Variants in SLC24A2 observed in about 807,000 individuals in gnomAD.
SLC24A2 encodes sodium/potassium/calcium exchanger 2.
A neutral mutation model predicts 62.0 loss-of-function variants in SLC24A2; 36 were observed. That is an observed-to-expected ratio of 0.58 (90% confidence interval 0.44 to 0.77). SLC24A2 has a LOEUF of 0.77. SLC24A2 is among the 30% of genes least tolerant of loss of function. The pLI is 0.00. For synonymous variants in SLC24A2, 358 were observed against 294.0 expected, an observed-to-expected ratio of 1.22 and a Z score of -2.23; for missense variants, 846 against 817.9, an observed-to-expected ratio of 1.03 and a Z score of -0.42.
the SLC24A2 span, among the ~76,000 whole-genome samples, chr9:19,832,445 T>C: frequency 6.6e-6 from 1 of 152,160 alleles, no homozygotes; most frequent in Non-Finnish European, 1.5e-5. Flanking sequence ...TTGTGTAGAC[T>C]AGAAATTTCA....
chr9:19,777,788 G>A (rs1587312802), intron 2 of SLC24A2, among the ~76,000 whole-genome samples: 2 of 152,110 alleles, frequency 1.3e-5, no homozygotes, highest in Non-Finnish European at 2.9e-5. Context: ...AATGTGCATA[G>A]TCATCTTTGG....
the SLC24A2 span, among the ~76,000 whole-genome samples, chr9:20,135,301 T>G: frequency 6.8e-6 from 1 of 147,446 alleles, no homozygotes; most frequent in Non-Finnish European, 1.5e-5. Context: ...TTAATTACAA[T>G]TTAAAATTTT....
the SLC24A2 span, among the ~76,000 whole-genome samples, chr9:20,159,890 T>C: frequency 2.6e-5 from 4 of 151,544 alleles, no homozygotes; most frequent in African/African-American, 9.7e-5. Flanking sequence ...ATAAGCACAG[T>C]AGATATAGCA....
the SLC24A2 span, among the ~76,000 whole-genome samples, chr9:20,052,487 A>C: frequency 1.3e-5 from 2 of 152,286 alleles, no homozygotes; most frequent in African/African-American, 4.8e-5. Flanking sequence ...TGAAGGTTCA[A>C]TTTGTCTCTA....
the SLC24A2 span, among the ~76,000 whole-genome samples, chr9:20,157,917 TAAAA>T: frequency 6.6e-6 from 1 of 151,310 alleles, no homozygotes; most frequent in Non-Finnish European, 1.5e-5. Context: ...GAATCAAATC[TAAAA>T]AAGCAACCCA....
the SLC24A2 span, among the ~76,000 whole-genome samples, chr9:19,986,666 C>T: frequency 2.6e-5 from 4 of 151,990 alleles, no homozygotes; most frequent in South Asian, 2.1e-4. Flanking sequence ...GAAAACACTA[C>T]GTTATATGAA....
chr9:19,851,358 A>C, the SLC24A2 span, among the ~76,000 whole-genome samples: 1 of 151,936 alleles, frequency 6.6e-6, no homozygotes. Context: ...TTGAAGTTCC[A>C]AAGTACATGT....
chr9:20,239,577 C>G, the SLC24A2 span, among the ~76,000 whole-genome samples: 1 of 152,100 alleles, frequency 6.6e-6, no homozygotes. Context: ...CTGCTCTTGC[C>G]CAGGTCTAAG....
the SLC24A2 span, among the ~76,000 whole-genome samples, chr9:20,139,299 G>A: frequency 6.6e-6 from 1 of 152,184 alleles, no homozygotes; most frequent in Non-Finnish European, 1.5e-5. Flanking sequence ...TACTCCCTGT[G>A]AGTCCTCAGG....
At chr9:19,691,884 C>G (rs1587160963) in intron 2 of SLC24A2, among the ~76,000 whole-genome samples, 1 of 152,104 alleles carries the variant, frequency 6.6e-6, no homozygotes, top group East Asian at 1.9e-4. Context: ...AGTTTCATCA[C>G]TGCTTTCCTG....
the SLC24A2 span, among the ~76,000 whole-genome samples, chr9:19,868,286 C>G: frequency 6.6e-6 from 1 of 151,818 alleles, no homozygotes; most frequent in African/African-American, 2.4e-5. Context: ...TGTTTATTTT[C>G]AAATATTCTA....
chr9:19,813,736 G>A, the SLC24A2 span, among the ~76,000 whole-genome samples: 1 of 152,044 alleles, frequency 6.6e-6, no homozygotes, highest in African/African-American at 2.4e-5. Flanking sequence ...GGTGCCTTTG[G>A]GACGTGATTA....
chr9:19,734,240 T>G (rs1587239746), intron 2 of SLC24A2, among the ~76,000 whole-genome samples: 1 of 152,184 alleles, frequency 6.6e-6, no homozygotes, highest in African/African-American at 2.4e-5. Flanking sequence ...GTTCCATTGG[T>G]CTATATCTCT....
chr9:20,007,128 G>A, the SLC24A2 span, among the ~76,000 whole-genome samples: 1 of 152,228 alleles, frequency 6.6e-6, no homozygotes, highest in African/African-American at 2.4e-5. Context: ...AAGTTTACTA[G>A]AATTATGCCC....
the SLC24A2 span, among the ~76,000 whole-genome samples, chr9:19,963,706 A>G: frequency 6.6e-6 from 1 of 152,144 alleles, no homozygotes; most frequent in Admixed American, 6.6e-5. Context: ...AATCATTAAA[A>G]AGTCAGGAAA....
chr9:19,718,284 CTTTTTTT>C (rs71335446), intron 2 of SLC24A2, among the ~76,000 whole-genome samples: 47 of 55,734 alleles, frequency 8.4e-4, no homozygotes, highest in African/African-American at 3.7e-3. Flanking sequence ...TGATTTAACA[CTTTTTTT>C]TTTTTTTTTT....
At chr9:19,822,797 C>G in the SLC24A2 span, among the ~76,000 whole-genome samples, 20 of 152,118 alleles carry the variant, frequency 1.3e-4, no homozygotes, top group African/African-American at 4.6e-4. Context: ...GCTCACTAGT[C>G]AGAGGAAAGG....
Position 19,530,360 on chromosome 9 carries a change from G to A in SLC24A2, c.1480-2222C>T, listed in dbSNP as rs1243018337. Among the ~76,000 whole-genome samples, 4 of 152,100 alleles carry A rather than the reference G, an allele frequency of 2.6e-5. 1 individual carries two copies. The highest frequency in any genetic ancestry group is 2.9e-5 in the Non-Finnish European group (2 of 68,020). ...TGGTTGATTCTGGGCAATGTATGAGGACAATGAAAAGCTTTCTACATGCCT... is the reference window on the plus strand; with the variant it reads ...TGGTTGATTCTGGGCAATGTATGAGAACAATGAAAAGCTTTCTACATGCCT... On this transcript the variant is annotated intron_variant, in intron 8 of 10. Coordinates refer to ENST00000341998, the MANE Select transcript of SLC24A2 (RefSeq NM_020344.4).
At chr9:20,019,730 T>C in the SLC24A2 span, among the ~76,000 whole-genome samples, 2 of 152,196 alleles carry the variant, frequency 1.3e-5, no homozygotes, top group East Asian at 1.9e-4. Flanking sequence ...TGGGATCTAA[T>C]TAAACTAAAG....
Sources: allele counts gnomAD v4.1 joint callset (sites outside exome capture counted in the v4.1 genomes callset), GRCh38; gene constraint gnomAD v4.1.1; transcripts MANE v1.5; gene names NCBI Gene and HGNC (gene_info 2026-07-23, HGNC 2026-07-21).